The following LPAR1 variants were observed in gnomAD, a reference collection of about 807,000 sequenced individuals.
LPAR1 encodes lysophosphatidic acid receptor 1.
In LPAR1, 5 loss-of-function variants were observed where a neutral mutation model predicts 23.8. That is an observed-to-expected ratio of 0.21 (90% CI 0.11 to 0.44). The LOEUF is 0.44. Among genes scored for constraint, LPAR1 ranks in the 20% least tolerant of loss-of-function variants. The pLI is 0.99. For synonymous variants in LPAR1, 160 were observed against 164.7 expected (o/e 0.97, Z 0.22); for missense variants, 311 against 482.8 (o/e 0.64, Z 3.33).
intron 5 of LPAR1, among the ~76,000 whole-genome samples, chr9:110,907,937 A>ACACACACACACACAC (rs2091649650): frequency 6.6e-6 from 1 of 151,696 alleles, no homozygotes; most frequent in Non-Finnish European, 1.5e-5. Flanking sequence ...ACACACACAC[A>ACACACACACACACAC]CACACACACA....
chr9:110,940,071 C>T (rs1564108768), intron 5 of LPAR1, among the ~76,000 whole-genome samples: 1 of 152,170 alleles, frequency 6.6e-6, no homozygotes, highest in Admixed American at 6.5e-5. Flanking sequence ...TTCTACTAAT[C>T]TTCATTGGAT....
At chr9:111,009,654 T>TA (rs900708238) in intron 2 of LPAR1, among the ~76,000 whole-genome samples, 5 of 152,028 alleles carry the variant, frequency 3.3e-5, no homozygotes, top group East Asian at 1.9e-4. Context: ...ACTTTTATAG[T>TA]AAAAAAAGTT....
At chr9:111,029,116 C>T (rs183312187) in intron 2 of LPAR1, among the ~76,000 whole-genome samples, 101 of 152,250 alleles carry the variant, frequency 6.6e-4, no homozygotes, top group African/African-American at 2.4e-3. Context: ...TTGAAATAAG[C>T]CTTGTCCTTG....
At chr9:110,885,542 A>G (rs2082137566) in intron 5 of LPAR1, among the ~76,000 whole-genome samples, 2 of 152,254 alleles carry the variant, frequency 1.3e-5, no homozygotes, top group Admixed American at 1.3e-4. Flanking sequence ...AATTAGATCC[A>G]GGATGTATGC....
chr9:110,879,177 G>A (rs2079982686), intron 5 of LPAR1, among the ~76,000 whole-genome samples: 1 of 152,140 alleles, frequency 6.6e-6, no homozygotes, highest in South Asian at 2.1e-4. Context: ...AGCACTTTGG[G>A]AGGCCGAGGT....
At chr9:110,983,051 C>A (rs1471498618) in intron 2 of LPAR1, among the ~76,000 whole-genome samples, 1 of 152,064 alleles carries the variant, frequency 6.6e-6, no homozygotes, top group Non-Finnish European at 1.5e-5. Context: ...TGGAACCCAG[C>A]ACTGCTGGTG....
chr9:111,025,448 C>T (rs1002061034), intron 2 of LPAR1, among the ~76,000 whole-genome samples: 1 of 152,004 alleles, frequency 6.6e-6, no homozygotes, highest in African/African-American at 2.4e-5. Flanking sequence ...GGATATTAGC[C>T]CTTTGTCAGA....
chr9:110,939,204 T>C (rs1018364454), intron 5 of LPAR1, among the ~76,000 whole-genome samples: 3 of 152,166 alleles, frequency 2.0e-5, no homozygotes, highest in Non-Finnish European at 4.4e-5. Context: ...GGAATGGCAT[T>C]AGGCACCACG....
intron 5 of LPAR1, among the ~76,000 whole-genome samples, chr9:110,929,294 G>C (rs763889732): frequency 3.5e-4 from 53 of 152,230 alleles, no homozygotes; most frequent in Non-Finnish European, 6.6e-4. Flanking sequence ...TAGCTTCTCA[G>C]AGGCACAGGC....
chr9:110,910,933 G>T lies in LPAR1; in HGVS notation c.793+30488C>A, dbSNP rs570368824. Among the ~76,000 whole-genome samples the T allele has an allele frequency of 2.0e-3, 301 of 152,332 alleles. 1 individual carries two copies. The highest frequency in any genetic ancestry group is 7.1e-3 in the African/African-American group (294 of 41,588). On this transcript the variant is annotated intron_variant, in intron 5 of 5. Transcript: ENST00000683809. ...AGGAGCAAAGAAAGTGGTCTCTGGA[G>T]ATAGAATATATTCTGGTTGTCAGTG... is the stretch of plus-strand genomic sequence containing the variant.
At chr9:110,984,799 A>AT (rs2096746907) in intron 2 of LPAR1, among the ~76,000 whole-genome samples, 2 of 147,394 alleles carry the variant, frequency 1.4e-5, no homozygotes, top group South Asian at 4.2e-4. Flanking sequence ...GTTTTAACTA[A>AT]TAGGAAAAAA....
chr9:111,031,625 A>T (rs1330518552), intron 2 of LPAR1, among the ~76,000 whole-genome samples: 1 of 152,070 alleles, frequency 6.6e-6, no homozygotes, highest in African/African-American at 2.4e-5. Flanking sequence ...GACTTTCTAC[A>T]GGCACTAGGT....
intron 4 of LPAR1, among the ~76,000 whole-genome samples, chr9:110,944,486 T>C (rs897798707): frequency 6.6e-6 from 1 of 152,214 alleles, no homozygotes; most frequent in Non-Finnish European, 1.5e-5. Flanking sequence ...GTTCTTTTCA[T>C]TAGTCTCTAT....
intron 2 of LPAR1, among the ~76,000 whole-genome samples, chr9:110,981,466 T>C (rs2096665068): frequency 6.6e-6 from 1 of 151,996 alleles, no homozygotes; most frequent in African/African-American, 2.4e-5. Context: ...GTAATACTTA[T>C]CATACTGTGA....
intron 2 of LPAR1, among the ~76,000 whole-genome samples, chr9:110,985,608 A>G (rs2096764354): frequency 2.0e-5 from 3 of 152,114 alleles, no homozygotes; most frequent in Admixed American, 6.6e-5. Context: ...GCCAAAACTT[A>G]TATAAGTAAA....
At chr9:110,979,631 A>T (rs1459920653) in intron 2 of LPAR1, among the ~76,000 whole-genome samples, 1 of 152,182 alleles carries the variant, frequency 6.6e-6, no homozygotes, top group Non-Finnish European at 1.5e-5. Context: ...AGGGAAGCTC[A>T]TAAGCAAAAG....
intron 5 of LPAR1, among the ~76,000 whole-genome samples, chr9:110,906,903 TA>T (rs1054142810): frequency 1.4e-5 from 2 of 141,052 alleles, no homozygotes; most frequent in Non-Finnish European, 3.2e-5. Context: ...AGGAAGTTTC[TA>T]AAAATTATGA....
At chr9:110,885,261 G>A (rs998475635) in intron 5 of LPAR1, among the ~76,000 whole-genome samples, 4 of 152,084 alleles carry the variant, frequency 2.6e-5, no homozygotes, top group African/African-American at 9.7e-5. Context: ...GTGGGTGGGG[G>A]GTCATCATGC....
At chr9:111,002,713 T>C (rs1271704268) in intron 2 of LPAR1, among the ~76,000 whole-genome samples, 2 of 152,282 alleles carry the variant, frequency 1.3e-5, no homozygotes, top group East Asian at 1.9e-4. Flanking sequence ...ACTCCAGAGA[T>C]AGGATTTTTC....
Sources: allele counts gnomAD v4.1 joint callset (sites outside exome capture counted in the v4.1 genomes callset), GRCh38; gene constraint gnomAD v4.1.1; transcripts MANE v1.5; gene names NCBI Gene and HGNC (gene_info 2026-07-23, HGNC 2026-07-21).